PTPA: variants seen among roughly 807,000 people sequenced by gnomAD.
The protein encoded by PTPA is protein phosphatase 2 phosphatase activator.
A neutral mutation model predicts 43.6 loss-of-function variants in PTPA; 13 were observed. That is an observed-to-expected ratio of 0.30 (90% CI 0.19 to 0.47). PTPA has a LOEUF of 0.47. Among genes scored for constraint, PTPA ranks in the 20% least tolerant of loss-of-function variants. The pLI, the probability that PTPA is intolerant of heterozygous loss-of-function variation, is 0.99. For synonymous variants in PTPA, 172 were observed against 158.2 expected (o/e 1.09, Z -0.66); for missense variants, 329 against 411.9 (o/e 0.80, Z 1.74).
At chr9:129,135,157 G>A (rs1273427662) in intron 6 of PTPA, among the ~76,000 whole-genome samples, 1 of 152,242 alleles carries the variant, frequency 6.6e-6, no homozygotes, top group Non-Finnish European at 1.5e-5. Context: ...GACTTTGGGA[G>A]GCCCAGGCAG....
intron 3 of PTPA, among the ~76,000 whole-genome samples, chr9:129,123,577 T>C (rs1393648957): frequency 6.6e-6 from 1 of 152,220 alleles, no homozygotes; most frequent in Non-Finnish European, 1.5e-5. Flanking sequence ...TTTTCATATC[T>C]ATATTTCTAA....
chr9:129,145,278 C>T (rs1281780317), intron 9 of PTPA, among the ~76,000 whole-genome samples: 1 of 146,760 alleles, frequency 6.8e-6, no homozygotes, highest in Non-Finnish European at 1.5e-5. Flanking sequence ...TTGCAGTGAG[C>T]CGAGATCATG....
intron 8 of PTPA, chr9:129,140,204 G>C (rs1409287115): frequency 6.6e-6 from 1 of 152,600 alleles, no homozygotes; most frequent in Non-Finnish European, 1.5e-5. Context: ...ATTCCCCTGG[G>C]GTCACTGCGG....
At chr9:129,146,262 G>A (rs1415536907) in intron 9 of PTPA, among the ~76,000 whole-genome samples, 1 of 152,144 alleles carries the variant, frequency 6.6e-6, no homozygotes, top group Non-Finnish European at 1.5e-5. Context: ...CCAGGATCCT[G>A]GCTGTGGCCA....
intron 5 of PTPA, among the ~76,000 whole-genome samples, chr9:129,134,145 ACTGTCTC>A (rs1384978846): frequency 6.6e-6 from 1 of 152,134 alleles, no homozygotes; most frequent in East Asian, 1.9e-4. Flanking sequence ...CTTACTTGTC[ACTGTCTC>A]CTAGTGCGTA....
chr9:129,134,889 C>T lies in PTPA; in HGVS notation c.555C>T (p.Phe185=). The T allele has an allele frequency of 1.9e-6, 3 of 1,612,056 alleles. No individual in the cohort carries two copies. The highest frequency in any genetic ancestry group is 1.7e-6 in the Non-Finnish European group (2 of 1,178,780). Residue 185 remains phenylalanine, a synonymous_variant, in exon 6 of 10, where the codon TTC becomes TTT. Coordinates refer to ENST00000393370, the MANE Select transcript of PTPA (RefSeq NM_178000.3). ...DDQIAIVFKV[F]NRYLEVMRKL... is the part of the protein sequence containing the mutation. ...AAATAGCTATTGTCTTCAAGGTGTT[C>T]AATCGGTGAGAGAAAGGACAGGAGG...
chr9:129,134,583 C>T (rs1850227328), intron 5 of PTPA, among the ~76,000 whole-genome samples: 1 of 152,120 alleles, frequency 6.6e-6, no homozygotes, highest in South Asian at 2.1e-4. Flanking sequence ...GGATTACAGG[C>T]ATGAGCCACC....
At chr9:129,117,683 G>A (rs1333086266) in intron 1 of PTPA, among the ~76,000 whole-genome samples, 1 of 147,814 alleles carries the variant, frequency 6.8e-6, no homozygotes, top group Non-Finnish European at 1.5e-5. Context: ...GGGATTACAG[G>A]TGTGAGCCAC....
chr9:129,113,998 G>A (rs10819464), intron 1 of PTPA, among the ~76,000 whole-genome samples: 88,402 of 151,900 alleles, frequency 0.58, 28,119 homozygotes, highest in Non-Finnish European at 0.7. Context: ...ATTTGAAACA[G>A]AACTTTTGGG....
intron 3 of PTPA, chr9:129,128,021 G>A (rs1320359785): frequency 4.5e-6 from 6 of 1,348,014 alleles, no homozygotes; most frequent in African/African-American, 1.5e-5. Flanking sequence ...TGTGTCCTGC[G>A]ATGAATGCAT....
At chr9:129,112,037 TAGGGG>T (rs1848541623) in intron 1 of PTPA, 1 of 187,074 alleles carries the variant, frequency 5.3e-6, no homozygotes, top group African/African-American at 2.3e-5. Context: ...AGTCGCTGCT[TAGGGG>T]ATGGGGTGGT....
intron 1 of PTPA, among the ~76,000 whole-genome samples, chr9:129,114,676 G>C (rs898107416): frequency 2.0e-5 from 3 of 152,114 alleles, no homozygotes; most frequent in African/African-American, 7.2e-5. Flanking sequence ...GTCTTTGTTG[G>C]GGGGCTTAGG....
At chr9:129,144,303 A>T (rs1397101423) in intron 9 of PTPA, among the ~76,000 whole-genome samples, 1 of 151,984 alleles carries the variant, frequency 6.6e-6, no homozygotes, top group Non-Finnish European at 1.5e-5. Context: ...CACAAAGAGG[A>T]CACTGAAAAT....
chr9:129,137,512 G>C (rs564269669), intron 7 of PTPA, 80 bp from the exon 8 acceptor site: 8 of 1,145,902 alleles, frequency 7.0e-6, no homozygotes, highest in South Asian at 2.9e-5. Flanking sequence ...AGGCCCCTGG[G>C]GGGGTGTGAC....
At chr9:129,135,622 G>GC (rs1431762487) in intron 6 of PTPA, among the ~76,000 whole-genome samples, 1 of 152,236 alleles carries the variant, frequency 6.6e-6, no homozygotes, top group African/African-American at 2.4e-5. Context: ...CTGACCTGCT[G>GC]CCCCACACCA....
chr9:129,121,453 C>T (rs1239313505), intron 2 of PTPA, among the ~76,000 whole-genome samples: 1 of 152,206 alleles, frequency 6.6e-6, no homozygotes, highest in Admixed American at 6.5e-5. Flanking sequence ...TGAATCTTCA[C>T]CAGGATCAAC....
chr9:129,131,808 G>GCGTAGGCATGCAGGGAGGC (rs1210270720), intron 5 of PTPA, among the ~76,000 whole-genome samples, 169 bp downstream of exon 5: 2 of 152,228 alleles, frequency 1.3e-5, no homozygotes, highest in Non-Finnish European at 2.9e-5. Flanking sequence ...GGCAGGGAGG[G>GCGTAGGCATGCAGGGAGGC]CGTAGGCATG....
chr9:129,142,843 G>A lies in PTPA; in HGVS notation c.894+291G>A, dbSNP rs528964734. The A allele has an allele frequency of 6.5e-6, 10 of 1,532,106 alleles. No individual in the cohort carries two copies. In the South Asian group the frequency reaches 1.2e-4, roughly 18 times the overall value. The allele number at this position is 1,532,106 out of a possible 1,614,324, so 94.9% of individuals were successfully genotyped here. On this transcript the variant is annotated intron_variant, in intron 9 of 9. Transcript: ENST00000393370. The stretch of plus-strand genomic sequence containing the variant: ...GCTGCATGGGGAGTGGGGGCGATGG[G>A]GGCCTCCCTTCTCCTTTATCAAGTG...
Position 129,136,578 on chromosome 9 carries a change from G to T in PTPA, c.668G>T (p.Gly223Val). The T allele has an allele frequency of 1.2e-6, 2 of 1,613,244 alleles. No homozygotes were observed. The highest frequency in any genetic ancestry group is 1.7e-6 in the Non-Finnish European group (2 of 1,179,534). ...TTCCAGTTTCTGCCCTTCATCTGGG[G>T]CAGTTCGCAGCTGATAGGTACTAGA... ...DDFQFLPFIW[G>V]SSQLIDHPYL... The change falls in exon 7 of 10, where the codon GGC (glycine) becomes GTC (valine). Residue 223 changes from glycine (G) to valine (V), a missense_variant. Coordinates refer to ENST00000393370, the MANE Select transcript of PTPA (RefSeq NM_178000.3).
Sources: gnomAD v4.1 joint callset for allele counts (sites outside exome capture counted in the v4.1 genomes callset) on GRCh38, gnomAD v4.1.1 for gene constraint, MANE v1.5 for transcripts, NCBI Gene and HGNC (gene_info 2026-07-23, HGNC 2026-07-21) for gene names.